Variants in PIR observed in about 807,000 individuals in gnomAD.
PIR encodes pirin (iron-binding nuclear protein).
PIR carries 22 observed loss-of-function variants against 24.2 expected under a neutral mutation model. That is an observed-to-expected ratio of 0.91 (90% CI 0.65 to 1.30). The LOEUF is 1.30. Ranked by LOEUF, PIR falls within the 50% of genes most tolerant of loss-of-function variation. PIR has a pLI of 0.00. For missense variants in PIR, 220 were observed against 220.3 expected (o/e 1.00, Z 0.01); for synonymous variants, 80 against 79.6 (o/e 1.00, Z -0.03).
rs772371663 is a variant in PIR at position 15,385,060 on chromosome X, T to C, written c.817A>G (p.Asn273Asp). The C allele has an allele frequency of 5.8e-6, 7 of 1,197,417 alleles. No homozygotes were observed. In the African/African-American group the frequency reaches 1.1e-4, roughly 18 times the overall value. Residue 273 changes from asparagine to aspartate, a missense_variant, in exon 10 of 10, where the codon AAC (asparagine) becomes GAC (aspartate). By Grantham distance (23) the Asn-to-Asp change is conservative. Coordinates refer to ENST00000380420, the MANE Select transcript of PIR (RefSeq NM_001018109.3). ...GCCCTTTCAAACCCATTTTTTGCGTTTCTGAAATCAAGAATAGCTTGAGAA... is the reference window on the plus strand; with the variant it reads ...GCCCTTTCAAACCCATTTTTTGCGTCTCTGAAATCAAGAATAGCTTGAGAA... ...EISQAILDFR[N>D]AKNGFERAKT...
chrX:15,396,885 C>T (rs1313961276), intron 8 of PIR, among the ~76,000 whole-genome samples: 1 of 111,165 alleles, frequency 9.0e-6, no homozygotes, highest in Admixed American at 9.5e-5. Context: ...GGACCACAGG[C>T]GCCTGCCACC....
chrX:15,446,586 C>G (rs1359716427), intron 5 of PIR, among the ~76,000 whole-genome samples: 1 of 111,962 alleles, frequency 8.9e-6, no homozygotes, highest in Non-Finnish European at 1.9e-5. Context: ...TTGATCTAGA[C>G]ATTCCACCCT....
intron 8 of PIR, among the ~76,000 whole-genome samples, chrX:15,397,223 T>C (rs1156731883): frequency 4.5e-5 from 5 of 111,983 alleles, no homozygotes; most frequent in African/African-American, 1.3e-4. Flanking sequence ...GGGTAAACAA[T>C]AGGGACTTTA....
At chrX:15,403,884 C>A (rs1357089328) in intron 7 of PIR, among the ~76,000 whole-genome samples, 9 of 111,666 alleles carry the variant, frequency 8.1e-5, no homozygotes, top group African/African-American at 2.6e-4. Flanking sequence ...TCTGTTAACT[C>A]TTTTTCTTCA....
At chrX:15,449,029 G>A (rs1926197890) in intron 5 of PIR, among the ~76,000 whole-genome samples, 3 of 111,644 alleles carry the variant, frequency 2.7e-5, no homozygotes, top group South Asian at 7.5e-4. Flanking sequence ...AAGGGGAAAT[G>A]GGACATGTAA....
chrX:15,482,045 G>A (rs753887344), intron 2 of PIR, among the ~76,000 whole-genome samples: 1 of 111,647 alleles, frequency 9.0e-6, no homozygotes, highest in Non-Finnish European at 1.9e-5. Flanking sequence ...CAAAGCATGT[G>A]ACATGGCCAA....
intron 6 of PIR, among the ~76,000 whole-genome samples, chrX:15,409,914 GTTT>G (rs1197954202): frequency 2.8e-5 from 3 of 107,809 alleles, no homozygotes; most frequent in African/African-American, 1.0e-4. Flanking sequence ...TGTGTTTTCA[GTTT>G]TTTTTTTCTT....
chrX:15,418,330 TA>T (rs1243697456), intron 6 of PIR, among the ~76,000 whole-genome samples: 1 of 112,132 alleles, frequency 8.9e-6, no homozygotes, highest in African/African-American at 3.2e-5. Flanking sequence ...GATATTTTCC[TA>T]GAAATATAGA....
At chrX:15,453,814 T>C (rs767758861) in intron 5 of PIR, among the ~76,000 whole-genome samples, 1 of 112,185 alleles carries the variant, frequency 8.9e-6, no homozygotes, top group African/African-American at 3.2e-5. Flanking sequence ...AAATGAGAAG[T>C]AGTTGTAAAC....
At chrX:15,470,907 C>T (rs1740743746) in intron 3 of PIR, among the ~76,000 whole-genome samples, 1 of 110,671 alleles carries the variant, frequency 9.0e-6, no homozygotes, top group African/African-American at 3.3e-5. Context: ...CCAGCGCACC[C>T]CGGCCCCCCA....
rs772564620 is a variant in PIR at position 15,481,084 on chromosome X, T to G, written c.97-1263A>C. 4.7e-4 allele frequency among the ~76,000 whole-genome samples: 53 copies of G among 112,524 alleles called. 1 individual carries two copies. The highest frequency in any genetic ancestry group is 9.0e-4 in the Non-Finnish European group (48 of 53,241). On this transcript the variant is annotated intron_variant, in intron 2 of 9. Coordinates refer to ENST00000380420, the MANE Select transcript of PIR (RefSeq NM_001018109.3). ...CTCCCAAATTTTTAACTATGGTATC[T>G]GGGAAGATGGTAGGGCCATTCAGCA... is the stretch of plus-strand genomic sequence containing the variant.
chrX:15,456,380 C>T (rs1921085730), intron 4 of PIR, among the ~76,000 whole-genome samples: 1 of 112,046 alleles, frequency 8.9e-6, no homozygotes, highest in Non-Finnish European at 1.9e-5. Flanking sequence ...GGGCTGTGTT[C>T]TCAGGAGATA....
At chrX:15,398,665 GGAGGGTGTGTGTGTGT>G (rs1216061145) in intron 7 of PIR, among the ~76,000 whole-genome samples, 14 of 36,363 alleles carry the variant, frequency 3.9e-4, no homozygotes, top group Non-Finnish European at 3.9e-4. Flanking sequence ...CCTTGAGGAG[GGAGGGTGTGTGTGTGT>G]GTGTGTGTGT....
At chrX:15,398,162 G>A (rs1423723222) in intron 7 of PIR, among the ~76,000 whole-genome samples, 2 of 110,689 alleles carry the variant, frequency 1.8e-5, no homozygotes, top group African/African-American at 3.3e-5. Flanking sequence ...TGAGTTAATC[G>A]GTGCAGCACA....
At chrX:15,404,462 C>T (rs1045673521) in intron 7 of PIR, among the ~76,000 whole-genome samples, 2 of 112,125 alleles carry the variant, frequency 1.8e-5, no homozygotes, top group African/African-American at 6.5e-5. Flanking sequence ...CAAGTTGCAG[C>T]CCATTTATTC....
At position 15,461,425 on chromosome X, in the gene PIR, T is replaced by C. The variant is rs561729810; in HGVS notation, c.190-1685A>G. Among the ~76,000 whole-genome samples the C allele has an allele frequency of 3.4e-4, 38 of 112,962 alleles. No homozygotes were observed. In the South Asian group the frequency reaches 0.013, roughly 39 times the overall value. ...TAAATCTAAAAATGGAAAGAAATTC[T>C]ATGCTGCCCAATAGAGTAGCCACTA... On this transcript the variant is annotated intron_variant, in intron 3 of 9. Transcript: ENST00000380420.
At chrX:15,434,350 G>A (rs193014934) in intron 5 of PIR, among the ~76,000 whole-genome samples, 270 of 88,682 alleles carry the variant, frequency 3.0e-3, no homozygotes, top group Middle Eastern at 0.011. Context: ...AAAAAGGAGG[G>A]GGAAGGAGAA....
rs892052822 is a variant in PIR at position 15,426,460 on chromosome X, C to T, written c.481-470G>A. ...GGCCCTCTGGCTAACAAAAATGGTCCGACACTGCTCGCTTGAAAAAGCCAC... is the reference window on the plus strand; with the variant it reads ...GGCCCTCTGGCTAACAAAAATGGTCTGACACTGCTCGCTTGAAAAAGCCAC... On this transcript the variant is annotated intron_variant, in intron 5 of 9. Coordinates refer to ENST00000380420, the MANE Select transcript of PIR (RefSeq NM_001018109.3). 5.4e-5 allele frequency among the ~76,000 whole-genome samples: 6 copies of T among 111,576 alleles called. No homozygotes were observed. The South Asian group carries it at 1.5e-3, about 28-fold the overall frequency.
At chrX:15,397,378 C>T (rs748849475) in intron 8 of PIR, 71 bp downstream of exon 8, 3 of 715,060 alleles carry the variant, frequency 4.2e-6, no homozygotes, top group South Asian at 4.3e-5. Flanking sequence ...TTATCCACAA[C>T]ATTTAGGCAT....
Sources: gnomAD v4.1 joint callset for allele counts (sites outside exome capture counted in the v4.1 genomes callset) on GRCh38, gnomAD v4.1.1 for gene constraint, MANE v1.5 for transcripts, NCBI Gene and HGNC (gene_info 2026-07-23, HGNC 2026-07-21) for gene names.